GABBR1: variants seen among roughly 807,000 people sequenced by gnomAD.
GABBR1 encodes the protein GABA-B receptor, R1 subunit.
A neutral mutation model predicts 117.7 loss-of-function variants in GABBR1; 35 were observed. The ratio of observed to expected loss-of-function variants is 0.30; its 90% CI spans 0.23 to 0.39. GABBR1 has a LOEUF of 0.39. GABBR1 is among the 10% of genes least tolerant of loss of function. The pLI, the probability that GABBR1 is intolerant of heterozygous loss-of-function variation, is 1.00. For missense variants in GABBR1, 709 were observed against 1,241.8 expected (o/e 0.57, Z 6.45); for synonymous variants, 442 against 486.6 (o/e 0.91, Z 1.21).
Position 29,630,471 on chromosome 6 carries a change from C to T in GABBR1, c.462G>A (p.Lys154=). The T allele has an allele frequency of 6.2e-7, 1 of 1,612,544 alleles. No homozygotes were observed. The highest frequency in any genetic ancestry group is 8.5e-7 in the Non-Finnish European group (1 of 1,179,596). The stretch of plus-strand genomic sequence containing the variant: ...TGTTCCCCTCACCCTGGCAGTGGGG[C>T]TTGGGGGTGCTCCACTGGCCCTGAC... ...ICSQGQWSTP[K]PHCQVNRTPH... is the part of the protein sequence containing the mutation. The change falls in exon 4 of 23, where the codon AAG becomes AAA. Residue 154 remains lysine (K), a synonymous_variant. Transcript: ENST00000377034. The surrounding 1 kb of genome is among the most constrained non-coding windows in gnomAD (Gnocchi z 4.9).
intron 14 of GABBR1, 98 bp downstream of exon 14, chr6:29,610,826 C>T (rs972981153): frequency 2.8e-6 from 3 of 1,057,628 alleles, no homozygotes; most frequent in Non-Finnish European, 4.4e-6. Flanking sequence ...CACATTCCAA[C>T]CTAACAGTCT....
Position 29,606,936 on chromosome 6 carries a change from G to C in GABBR1, c.2178C>G (p.Ala726=), listed in dbSNP as rs753146179. 4.3e-6 allele frequency: 7 copies of C among 1,614,246 alleles called. No individual in the cohort carries two copies. The highest frequency in any genetic ancestry group is 5.9e-6 in the Non-Finnish European group (7 of 1,180,038). The change falls in exon 18 of 23, where the codon GCC becomes GCG. Residue 726 remains alanine (A), a synonymous_variant. Transcript: ENST00000377034. This position sits in a 1 kb window ranked among gnomAD's most constrained non-coding sequence, Gnocchi z 4.5. ...LLVGMDVLTL[A]IWQIVDPLHR... The stretch of plus-strand genomic sequence containing the variant: ...GCAGAGGGTCCACGATCTGCCAGAT[G>C]GCGAGAGTGAGGACATCCATGCCCA...
At chr6:29,629,051 C>T (rs1408966132) in intron 5 of GABBR1, 36 bp downstream of exon 5, 1 of 1,611,736 alleles carries the variant, frequency 6.2e-7, no homozygotes, top group Non-Finnish European at 8.5e-7. Context: ...AAGGGGAGGG[C>T]ATTGCAGTGC....
Position 29,632,300 on chromosome 6 carries a change from C to T in GABBR1, c.85+1G>A. On this transcript the variant is annotated splice_donor_variant, in intron 2 of 22. Transcript: ENST00000377034. LOFTEE classifies it high-confidence loss of function. The surrounding 1 kb of genome is among the most constrained non-coding windows in gnomAD (Gnocchi z 5.8). ...CCGGAGGTCGTCGAAGAAGGATGCACCTTCTGAGGTGGCGTTGGGGGTCTG... is the reference window on the plus strand; with the variant it reads ...CCGGAGGTCGTCGAAGAAGGATGCATCTTCTGAGGTGGCGTTGGGGGTCTG... 7.2e-7 allele frequency: 1 copy of T among 1,380,256 alleles called. No homozygotes were observed. The highest frequency in any genetic ancestry group is 9.4e-7 in the Non-Finnish European group (1 of 1,063,870). 85.5% of individuals were successfully genotyped at this position (1,380,256 alleles called of 1,614,324 possible). A position where few individuals can be genotyped will look rare whatever the true frequency, so the allele number is the denominator to read the frequency against.
rs559353158 is a variant in GABBR1 at position 29,602,486 on chromosome 6, T to C, written c.*1057A>G. On this transcript the variant is annotated 3_prime_UTR_variant, in exon 23 of 23. Coordinates refer to ENST00000377034, the MANE Select transcript of GABBR1 (RefSeq NM_001470.4). ...GGGAGCAGTCTTGGGAGAAGATGAT[T>C]GTGAGTGTAGACTGAGGGTAGTACA... The C allele has an allele frequency of 6.4e-6, 1 of 156,904 alleles. No individual in the cohort carries two copies. The highest frequency in any genetic ancestry group is 1.9e-4 in the East Asian group (1 of 5,260). The allele number at this position is 156,904 out of a possible 1,614,324, so 9.7% of individuals were successfully genotyped here. A position where few individuals can be genotyped will look rare whatever the true frequency, so the allele number is the denominator to read the frequency against.
chr6:29,627,415 G>A lies in GABBR1; in HGVS notation c.657+71C>T, dbSNP rs1015589581. ...CCCAGAGACGACTCAGACAGATGGGGGCGCGTGCAGCTGGCTGGCCCCCTG... is the reference window on the plus strand; with the variant it reads ...CCCAGAGACGACTCAGACAGATGGGAGCGCGTGCAGCTGGCTGGCCCCCTG... On this transcript the variant is annotated intron_variant, in intron 6 of 22. Coordinates refer to ENST00000377034, the MANE Select transcript of GABBR1 (RefSeq NM_001470.4). The surrounding 1 kb of genome is among the most constrained non-coding windows in gnomAD (Gnocchi z 4.4). The A allele has an allele frequency of 9.7e-6, 14 of 1,450,714 alleles. No homozygotes were observed. The African/African-American group carries it at 1.7e-4, about 18-fold the overall frequency. 89.9% of individuals were successfully genotyped at this position (1,450,714 alleles called of 1,614,324 possible). A position where few individuals can be genotyped will look rare whatever the true frequency, so the allele number is the denominator to read the frequency against.
At chr6:29,619,511 C>G (rs1313761237) in intron 11 of GABBR1, among the ~76,000 whole-genome samples, 1 of 152,178 alleles carries the variant, frequency 6.6e-6, no homozygotes, top group Non-Finnish European at 1.5e-5. Context: ...AACCATCTCT[C>G]TGTTCTCTCT....
chr6:29,628,022 G>C lies in GABBR1; in HGVS notation c.497-376C>G, dbSNP rs550344106. 2.3e-6 allele frequency: 3 copies of C among 1,282,698 alleles called. 1 individual carries two copies. In the South Asian group the frequency reaches 7.9e-5, roughly 34 times the overall value. The allele number at this position is 1,282,698 out of a possible 1,614,324, so 79.5% of individuals were successfully genotyped here. ...CTCCTCGCGGACTGACTGACCGACG[G>C]AGGGGAGGAGGAGGAGCAGGAGGGA... is the stretch of plus-strand genomic sequence containing the variant. On this transcript the variant is annotated intron_variant, in intron 5 of 22. Transcript: ENST00000377034.
chr6:29,626,864 T>A (rs1764326547), intron 6 of GABBR1, among the ~76,000 whole-genome samples: 1 of 152,066 alleles, frequency 6.6e-6, no homozygotes, highest in South Asian at 2.1e-4. Context: ...ATCATTAGCC[T>A]TCCCCAATCA....
Position 29,606,300 on chromosome 6 carries a change from T to G in GABBR1, c.2311+91A>C. ...GGTTGACAAGCTCTCTACCTCCTCT[T>G]CCAAAGACCCCTCTCCCTCCAAGCC... On this transcript the variant is annotated intron_variant, in intron 19 of 22. Coordinates refer to ENST00000377034, the MANE Select transcript of GABBR1 (RefSeq NM_001470.4). The surrounding 1 kb of genome is among the most constrained non-coding windows in gnomAD (Gnocchi z 4.5). 1 of 887,018 alleles carries G rather than the reference T, an allele frequency of 1.1e-6. No individual in the cohort carries two copies. The highest frequency in any genetic ancestry group is 1.9e-6 in the Non-Finnish European group (1 of 525,926). 54.9% of individuals were successfully genotyped at this position (887,018 alleles called of 1,614,324 possible).
Position 29,613,485 on chromosome 6 carries a change from T to A in GABBR1, c.1324A>T (p.Thr442Ser), listed in dbSNP as rs757643833. 2 of 1,611,212 alleles carry A rather than the reference T, an allele frequency of 1.2e-6. No homozygotes were observed. Among genetic ancestry groups the A allele is most frequent in the Non-Finnish European group, 1.7e-6 (2 of 1,178,750 alleles). ...PANTRSISNM[T>S]SQEFVEKLTK... ...AGTTTCTCCACAAATTCCTGGGATG[T>A]CTTGGGAGGAAAAAATCATGAGGAA... The change falls in exon 12 of 23, where the codon ACA becomes TCA. Residue 442 changes from threonine to serine, a missense_variant and splice_region_variant. Transcript: ENST00000377034. This position sits in a 1 kb window ranked among gnomAD's most constrained non-coding sequence, Gnocchi z 4.1.
chr6:29,608,338 A>G lies in GABBR1; in HGVS notation c.1992+263T>C, dbSNP rs138431416. Reference sequence around the variant, plus strand: ...AGCAGATCCCCTTCCTTTGCCTTCAATGGCTCCCTCCTCTTCTCTGCAAGG... The same window carrying G: ...AGCAGATCCCCTTCCTTTGCCTTCAGTGGCTCCCTCCTCTTCTCTGCAAGG... On this transcript the variant is annotated intron_variant, in intron 16 of 22. Coordinates refer to ENST00000377034, the MANE Select transcript of GABBR1 (RefSeq NM_001470.4). The G allele has an allele frequency of 5.8e-4, 223 of 384,314 alleles. 2 individuals are homozygous for G. The East Asian group carries it at 9.8e-3, about 17-fold the overall frequency. The allele number at this position is 384,314 out of a possible 1,614,324, so 23.8% of individuals were successfully genotyped here.
chr6:29,619,614 C>A (rs543263715), intron 11 of GABBR1, among the ~76,000 whole-genome samples: 2 of 151,760 alleles, frequency 1.3e-5, no homozygotes, highest in South Asian at 4.2e-4. Context: ...CTTGGCCTCC[C>A]AAGGTGCTGG....
rs544617715 is a variant in GABBR1, at chr6:29,620,533, C to T, written c.1323+568G>A. ...CCCAGCCCTCTCAAATCAGAGAATG[C>T]GCCTCCTCGCTCCAAGTCTGTCATT... On this transcript the variant is annotated intron_variant, in intron 11 of 22. Transcript: ENST00000377034. The surrounding 1 kb of genome is among the most constrained non-coding windows in gnomAD (Gnocchi z 4.5). 4.6e-5 allele frequency among the ~76,000 whole-genome samples: 7 copies of T among 152,244 alleles called. No individual in the cohort carries two copies. Among genetic ancestry groups the T allele is most frequent in the African/African-American group, 9.6e-5 (4 of 41,538 alleles).
chr6:29,610,867 CT>C, intron 14 of GABBR1, 56 bp downstream of exon 14: 1 of 1,463,374 alleles, frequency 6.8e-7, no homozygotes, highest in Non-Finnish European at 9.6e-7. Flanking sequence ...AAAGGCATGA[CT>C]TTTTCCCTTG....
Position 29,627,766 on chromosome 6 carries a change from C to T in GABBR1, c.497-120G>A, listed in dbSNP as rs1181431487. The T allele has an allele frequency of 4.7e-6, 7 of 1,474,492 alleles. No homozygotes were observed. The highest frequency in any genetic ancestry group is 4.3e-5 in the African/African-American group (3 of 70,482). The allele number at this position is 1,474,492 out of a possible 1,614,324, so 91.3% of individuals were successfully genotyped here. Reference sequence around the variant, plus strand: ...CAGAAGCGGCAGTGGCCACCCCACCCGGGCAAAAGGGGCCCCGGGCCCCAT... The same window carrying T: ...CAGAAGCGGCAGTGGCCACCCCACCTGGGCAAAAGGGGCCCCGGGCCCCAT... On this transcript the variant is annotated intron_variant, in intron 5 of 22. Transcript: ENST00000377034. This position sits in a 1 kb window ranked among gnomAD's most constrained non-coding sequence, Gnocchi z 4.4.
rs976254998 is a variant in GABBR1 at position 29,620,087 on chromosome 6, C to G, written c.1323+1014G>C. Among the ~76,000 whole-genome samples, 1 of 152,170 alleles carries G rather than the reference C, an allele frequency of 6.6e-6. No individual in the cohort carries two copies. Among genetic ancestry groups the G allele is most frequent in the Non-Finnish European group, 1.5e-5 (1 of 68,040 alleles). Reference sequence around the variant, plus strand: ...TTTCCATGGGAAGTGATGAGCAGAGCAGTTTGGAGCCAGATTTAACTAGGA... The same window carrying G: ...TTTCCATGGGAAGTGATGAGCAGAGGAGTTTGGAGCCAGATTTAACTAGGA... On this transcript the variant is annotated intron_variant, in intron 11 of 22. Transcript: ENST00000377034. The surrounding 1 kb of genome is among the most constrained non-coding windows in gnomAD (Gnocchi z 4.5).
chr6:29,624,969 G>A (rs900004395), intron 6 of GABBR1, among the ~76,000 whole-genome samples: 3 of 152,076 alleles, frequency 2.0e-5, no homozygotes, highest in Non-Finnish European at 4.4e-5. Flanking sequence ...GGGGCTCAGG[G>A]GACTAAGGAG....
rs1351146080 is a variant in GABBR1, at chr6:29,605,384, T to C, written c.2439+185A>G. 1 of 694,496 alleles carries C rather than the reference T, an allele frequency of 1.4e-6. No homozygotes were observed. The highest frequency in any genetic ancestry group is 2.4e-6 in the Non-Finnish European group (1 of 409,994). 43.0% of individuals were successfully genotyped at this position (694,496 alleles called of 1,614,324 possible). On this transcript the variant is annotated intron_variant, in intron 20 of 22. Transcript: ENST00000377034. The surrounding 1 kb of genome is among the most constrained non-coding windows in gnomAD (Gnocchi z 4.2). ...TCTACTTCACTGGGTAGTTGCAAGATTAATGATACAATGTCTGTAGTGAGC... is the reference window on the plus strand; with the variant it reads ...TCTACTTCACTGGGTAGTTGCAAGACTAATGATACAATGTCTGTAGTGAGC...
Sources: allele counts gnomAD v4.1 joint callset (sites outside exome capture counted in the v4.1 genomes callset), GRCh38; gene constraint gnomAD v4.1.1; non-coding constraint Gnocchi (gnomAD v3.1); transcripts MANE v1.5; gene names NCBI Gene and HGNC (gene_info 2026-07-23, HGNC 2026-07-21).